NDE1: variants seen among roughly 807,000 people sequenced by gnomAD.
The protein encoded by NDE1 is nuclear distribution protein nudE homolog 1.
A neutral mutation model predicts 43.4 loss-of-function variants in NDE1; 28 were observed. The ratio of observed to expected loss-of-function variants is 0.65; its 90% CI spans 0.48 to 0.89. The LOEUF is 0.89. Ranked by LOEUF, NDE1 falls within the 40% of genes least tolerant of loss-of-function variation. NDE1 has a pLI of 0.00. For missense variants in NDE1, 441 were observed against 434.1 expected, an observed-to-expected ratio of 1.02 and a Z score of -0.14; for synonymous variants, 184 against 172.0, an observed-to-expected ratio of 1.07 and a Z score of -0.55.
At chr16:15,687,305 C>T (rs2038488939) in intron 4 of NDE1, 70 bp from the exon 5 acceptor site, 1 of 1,611,484 alleles carries the variant, frequency 6.2e-7, no homozygotes. Context: ...CTTCGCACCT[C>T]CTGGATCCGC....
At chr16:15,649,836 T>C (rs920828135), upstream of NDE1, among the ~76,000 whole-genome samples, 1 of 152,236 alleles carries the variant, frequency 6.6e-6, no homozygotes, top group African/African-American at 2.4e-5. Context: ...CACTGCTAGC[T>C]TCAGTGGGCC....
In NDE1 at chr16:15,724,640, C is replaced by T; in HGVS notation, c.*389C>T. The T allele has an allele frequency of 1.9e-6, 3 of 1,613,966 alleles. No individual in the cohort carries two copies. Among genetic ancestry groups the T allele is most frequent in the Non-Finnish European group, 2.5e-6 (3 of 1,180,036 alleles). ...CCATGAAGGAAGCAAGGACACGGGG[C>T]AGGCACCTGGATGTTGAGAGTGGAG... is the stretch of plus-strand genomic sequence containing the variant. On this transcript the variant is annotated 3_prime_UTR_variant, in exon 9 of 9. Transcript: ENST00000396354.
At chr16:15,644,469 A>C (rs2036259342) in intron 1 of NDE1, among the ~76,000 whole-genome samples, 1 of 152,174 alleles carries the variant, frequency 6.6e-6, no homozygotes, top group Non-Finnish European at 1.5e-5. Context: ...GTAGGTATTT[A>C]TTACTGCTGA....
intron 8 of NDE1, among the ~76,000 whole-genome samples, chr16:15,710,783 G>A (rs1431170972): frequency 6.6e-6 from 1 of 151,994 alleles, no homozygotes; most frequent in Admixed American, 6.6e-5. Flanking sequence ...TTGCAAAGGA[G>A]TGTCCTGTCT....
intron 8 of NDE1, 79 bp downstream of exon 8, chr16:15,696,939 C>G (rs2039045485): frequency 6.3e-7 from 1 of 1,577,192 alleles, no homozygotes; most frequent in African/African-American, 1.4e-5. Context: ...CCCCAGCCCA[C>G]AGCCATGTGT....
At chr16:15,691,397 G>C in intron 6 of NDE1, 74 bp downstream of exon 6, 1 of 1,517,692 alleles carries the variant, frequency 6.6e-7, no homozygotes, top group Admixed American at 1.9e-5. Flanking sequence ...GGTGGGTCCT[G>C]GGGGTGTGAT....
intron 7 of NDE1, among the ~76,000 whole-genome samples, chr16:15,695,110 G>A (rs2038946516): frequency 6.6e-6 from 1 of 151,818 alleles, no homozygotes; most frequent in Admixed American, 6.6e-5. Flanking sequence ...GCTTCAGCCT[G>A]GGAGGTTGAG....
intron 8 of NDE1, among the ~76,000 whole-genome samples, chr16:15,716,366 G>A (rs903444450): frequency 6.6e-6 from 1 of 152,162 alleles, no homozygotes; most frequent in Non-Finnish European, 1.5e-5. Context: ...GCGAATTACT[G>A]AAAAAGCTAC....
At chr16:15,694,775 C>A in intron 7 of NDE1, 1 of 985,390 alleles carries the variant, frequency 1.0e-6, no homozygotes, top group Non-Finnish European at 1.2e-6. Flanking sequence ...GCTCTGAACC[C>A]TATGTATGTC....
At chr16:15,715,031 C>G (rs2040043762) in intron 8 of NDE1, 1 of 1,613,756 alleles carries the variant, frequency 6.2e-7, no homozygotes, top group African/African-American at 1.3e-5. Flanking sequence ...CCTCCTCTGC[C>G]TCCTCCAGCT....
At chr16:15,710,181 C>T (rs966249464) in intron 8 of NDE1, among the ~76,000 whole-genome samples, 1 of 152,174 alleles carries the variant, frequency 6.6e-6, no homozygotes, top group African/African-American at 2.4e-5. Flanking sequence ...CAAGAAGGCT[C>T]AAGTGTCTGG....
At chr16:15,652,988 A>T in intron 1 of NDE1, among the ~76,000 whole-genome samples, 1 of 152,120 alleles carries the variant, frequency 6.6e-6, no homozygotes, top group African/African-American at 2.4e-5. Context: ...CTCTAAAGCG[A>T]TCTATGCTTA....
chr16:15,664,957 G>A (rs919358865), intron 2 of NDE1, 96 bp downstream of exon 2: 14 of 923,894 alleles, frequency 1.5e-5, no homozygotes, highest in South Asian at 4.1e-5. Context: ...GTTCCTAGGC[G>A]TGATCATAGT....
At chr16:15,689,892 CTG>C (rs2038643344) in intron 5 of NDE1, among the ~76,000 whole-genome samples, 2 of 142,166 alleles carry the variant, frequency 1.4e-5, no homozygotes, top group Admixed American at 1.5e-4. Context: ...TGAGCCGAGA[CTG>C]TGCCACTGCA....
intron 4 of NDE1, among the ~76,000 whole-genome samples, chr16:15,684,887 G>A (rs1019590316): frequency 1.3e-5 from 2 of 152,158 alleles, no homozygotes; most frequent in African/African-American, 2.4e-5. Flanking sequence ...TCATTGTTGA[G>A]GCTTTATAGT....
At chr16:15,679,651 T>C (rs1199522416) in intron 4 of NDE1, among the ~76,000 whole-genome samples, 1 of 152,220 alleles carries the variant, frequency 6.6e-6, no homozygotes, top group Non-Finnish European at 1.5e-5. Flanking sequence ...TGAGGTCCTT[T>C]TGTGCAGTTT....
In NDE1 at chr16:15,714,938, G is replaced by A. The variant is rs138168272; in HGVS notation, c.948-9253G>A. 880 of 1,614,004 alleles carry A rather than the reference G, an allele frequency of 5.5e-4. 5 individuals carry two copies. In the African/African-American group the frequency reaches 9.5e-3, roughly 17 times the overall value. On this transcript the variant is annotated intron_variant, in intron 8 of 8. Transcript: ENST00000396354. Reference sequence around the variant, plus strand: ...GCTTGCTCTTGAGTGCGTTCACCTCGCGGCCCATGGCCTCGTTGCTCTCCG... The same window carrying A: ...GCTTGCTCTTGAGTGCGTTCACCTCACGGCCCATGGCCTCGTTGCTCTCCG...
At chr16:15,706,151 A>C (rs1281806833) in intron 8 of NDE1, among the ~76,000 whole-genome samples, 3 of 152,156 alleles carry the variant, frequency 2.0e-5, no homozygotes, top group African/African-American at 7.2e-5. Context: ...AGGAATAAAT[A>C]CTTAAAGCTG....
intron 8 of NDE1, among the ~76,000 whole-genome samples, chr16:15,710,085 G>A (rs2039693456): frequency 6.6e-6 from 1 of 152,190 alleles, no homozygotes; most frequent in African/African-American, 2.4e-5. Flanking sequence ...GCAGAAGGCA[G>A]GACAGACCTT....
Sources: allele counts gnomAD v4.1 joint callset (sites outside exome capture counted in the v4.1 genomes callset), GRCh38; gene constraint gnomAD v4.1.1; transcripts MANE v1.5; gene names NCBI Gene and HGNC (gene_info 2026-07-23, HGNC 2026-07-21).